Variants in ADGRA1 observed in about 807,000 individuals in gnomAD.
ADGRA1 encodes adhesion G protein-coupled receptor A1, also known as G-protein coupled receptor 123.
In ADGRA1, 12 loss-of-function variants were observed where a neutral mutation model predicts 21.3. The observed-to-expected ratio is 0.56, with a 90% CI of 0.36 to 0.91. The LOEUF (loss-of-function observed/expected upper bound fraction) is 0.91. ADGRA1 is among the 40% of genes least tolerant of loss of function. The pLI, the probability that ADGRA1 is intolerant of heterozygous loss-of-function variation, is 0.01. For missense variants in ADGRA1, 790 were observed against 805.6 expected, an observed-to-expected ratio of 0.98 and a Z score of 0.23; for synonymous variants, 385 against 368.8, an observed-to-expected ratio of 1.04 and a Z score of -0.50.
intron 5 of ADGRA1, among the ~76,000 whole-genome samples, chr10:133,121,038 C>T (rs1191120943): frequency 6.6e-6 from 1 of 152,128 alleles, no homozygotes; most frequent in African/African-American, 2.4e-5. Flanking sequence ...ACAGCCAACC[C>T]GTGGAGCGAC....
chr10:133,129,460 C>T lies in ADGRA1; in HGVS notation c.1632C>T (p.Asp544=), dbSNP rs139645554. 1.7e-4 allele frequency: 270 copies of T among 1,600,590 alleles called. No homozygotes were observed. In the African/African-American group the frequency reaches 2.2e-3, roughly 13 times the overall value. ...KLLEGLPFGT[D]GTGNIRTGPW... ...TAGAAGGCCTGCCGTTTGGCACCGA[C>T]GGGACCGGCAACATCCGAACGGGAC... Residue 544 remains aspartate, a synonymous_variant, in exon 7 of 7, where the codon GAC becomes GAT. Coordinates refer to ENST00000392607, the MANE Select transcript of ADGRA1 (RefSeq NM_001083909.3).
intron 2 of ADGRA1, among the ~76,000 whole-genome samples, chr10:133,094,234 G>A (rs570305432): frequency 3.9e-5 from 6 of 152,358 alleles, no homozygotes; most frequent in African/African-American, 9.6e-5. Flanking sequence ...CCTTGCACTC[G>A]CGCCCTGAGA....
Position 133,088,693 on chromosome 10 carries a change from C to T in ADGRA1, c.-202-15C>T. On this transcript the variant is annotated splice_polypyrimidine_tract_variant and intron_variant, in intron 1 of 6. Coordinates refer to ENST00000392607, the MANE Select transcript of ADGRA1 (RefSeq NM_001083909.3). ...GACCCTCCGCCCGCCCCGCTGACCG[C>T]CGCTGTCTTCACAGATGGGAGCAGC... 8.2e-7 allele frequency: 1 copy of T among 1,226,334 alleles called. No individual in the cohort carries two copies. Among genetic ancestry groups the T allele is most frequent in the East Asian group, 3.2e-5 (1 of 31,500 alleles). The allele number at this position is 1,226,334 out of a possible 1,614,324, so 76.0% of individuals were successfully genotyped here.
At chr10:133,100,345 C>T (rs182071870) in intron 4 of ADGRA1, among the ~76,000 whole-genome samples, 38 of 152,260 alleles carry the variant, frequency 2.5e-4, no homozygotes, top group Non-Finnish European at 4.3e-4. Context: ...TAAGTGCCTG[C>T]GAGAGGCCGT....
Position 133,128,646 on chromosome 10 carries a change from G to T in ADGRA1, c.818G>T (p.Gly273Val). Reference sequence around the variant, plus strand: ...CTGTTCACGGCCACGTGGGCCTTCGGGGCGCTGGCGGTGTCACAGGGCCAC... The same window carrying T: ...CTGTTCACGGCCACGTGGGCCTTCGTGGCGCTGGCGGTGTCACAGGGCCAC... ...LFLFTATWAF[G>V]ALAVSQGHFL... Residue 273 changes from glycine to valine, a missense_variant, in exon 7 of 7, where the codon GGG (glycine) becomes GTG (valine). Around this residue, in one of 3 missense-constraint regions of ADGRA1, gnomAD observed 382 missense variants for 415.6 expected, o/e 0.92. Coordinates refer to ENST00000392607, the MANE Select transcript of ADGRA1 (RefSeq NM_001083909.3). The T allele has an allele frequency of 6.2e-7, 1 of 1,608,238 alleles. No individual in the cohort carries two copies. Among genetic ancestry groups the T allele is most frequent in the East Asian group, 2.2e-5 (1 of 44,714 alleles).
chr10:133,121,792 A>AGT (rs370825058), intron 5 of ADGRA1, among the ~76,000 whole-genome samples: 2 of 133,418 alleles, frequency 1.5e-5, no homozygotes, highest in East Asian at 2.3e-4. Flanking sequence ...GTCGTGTGCC[A>AGT]GTGTGTGTGT....
At chr10:133,110,294 C>T (rs1050040473) in intron 5 of ADGRA1, among the ~76,000 whole-genome samples, 2 of 152,294 alleles carry the variant, frequency 1.3e-5, no homozygotes, top group Non-Finnish European at 2.9e-5. Flanking sequence ...GGACAGGTCA[C>T]TCCTGTGTGC....
At chr10:133,127,383 C>G in intron 6 of ADGRA1, 52 bp downstream of exon 6, 1 of 1,351,580 alleles carries the variant, frequency 7.4e-7, no homozygotes, top group South Asian at 1.3e-5. Flanking sequence ...GTGGGCTCTG[C>G]CTGAGGTCCC....
chr10:133,125,666 T>C (rs1277793620), intron 5 of ADGRA1, among the ~76,000 whole-genome samples: 2 of 152,248 alleles, frequency 1.3e-5, no homozygotes, highest in African/African-American at 4.8e-5. Context: ...CCTGACCTCG[T>C]GATCTGCCCA....
chr10:133,102,121 G>C, intron 4 of ADGRA1: 1 of 433,178 alleles, frequency 2.3e-6, no homozygotes, highest in South Asian at 1.6e-5. Context: ...AGTTTCCATA[G>C]CAATGAGGAA....
intron 3 of ADGRA1, among the ~76,000 whole-genome samples, chr10:133,097,425 G>A (rs1288587362): frequency 6.6e-6 from 1 of 152,248 alleles, no homozygotes; most frequent in Non-Finnish European, 1.5e-5. Flanking sequence ...ACCCTGAGGA[G>A]CTCAGTTCCC....
intron 5 of ADGRA1, among the ~76,000 whole-genome samples, chr10:133,123,186 C>T (rs542760937): frequency 7.2e-5 from 11 of 152,210 alleles, no homozygotes; most frequent in Admixed American, 6.5e-4. Flanking sequence ...AGGGGCCCCG[C>T]GAGTCCCTCT....
At chr10:133,105,311 A>G (rs1223838228) in intron 5 of ADGRA1, among the ~76,000 whole-genome samples, 1 of 152,140 alleles carries the variant, frequency 6.6e-6, no homozygotes, top group Non-Finnish European at 1.5e-5. Context: ...GCAGTGGCCG[A>G]GTCTCAGCCG....
chr10:133,111,289 A>C (rs28625329), intron 5 of ADGRA1, among the ~76,000 whole-genome samples: 360 of 23,580 alleles, frequency 0.015, 26 homozygotes, highest in African/African-American at 0.052. Flanking sequence ...CCCACCAGAC[A>C]ACCTGCCCCC....
chr10:133,101,392 G>A (rs755072411), intron 4 of ADGRA1, among the ~76,000 whole-genome samples: 21 of 152,212 alleles, frequency 1.4e-4, no homozygotes, highest in African/African-American at 4.8e-4. Flanking sequence ...AGAGACAGGC[G>A]CTGGCCCTGG....
intron 5 of ADGRA1, among the ~76,000 whole-genome samples, chr10:133,115,744 G>A (rs1367364931): frequency 1.3e-5 from 2 of 152,084 alleles, no homozygotes; most frequent in East Asian, 1.9e-4. Context: ...TTGACACACC[G>A]GCTGCAAGCC....
intron 2 of ADGRA1, chr10:133,095,808 C>A (rs2135867903): frequency 6.3e-7 from 1 of 1,594,960 alleles, no homozygotes. Flanking sequence ...CATGGCCCTT[C>A]CTGCACAGGA....
chr10:133,127,186 G>A, intron 5 of ADGRA1, 47 bp from the exon 6 acceptor site: 1 of 1,269,604 alleles, frequency 7.9e-7, no homozygotes, highest in Non-Finnish European at 1.1e-6. Context: ...GACCCCGGAG[G>A]ATGCAGGCGG....
rs1269119045 is a variant in ADGRA1, at chr10:133,111,297, C to CA, written c.401+8455_401+8456insA. 2.0e-3 allele frequency among the ~76,000 whole-genome samples: 129 copies of CA among 62,956 alleles called. 19 individuals carry two copies. The highest frequency in any genetic ancestry group is 2.6e-3 in the Non-Finnish European group (88 of 33,318). The allele number at this position is 62,956 out of a possible 152,430, so 41.3% of individuals were successfully genotyped here. A position where few individuals can be genotyped will look rare whatever the true frequency, so the allele number is the denominator to read the frequency against. Reference sequence around the variant, plus strand: ...TCCTAATCCCACCAGACAACCTGCCCCCCCGGGAACCATCCCTCCTAATCC... The same window carrying CA: ...TCCTAATCCCACCAGACAACCTGCCCACCCCGGGAACCATCCCTCCTAATCC... On this transcript the variant is annotated intron_variant, in intron 5 of 6. Transcript: ENST00000392607.
Sources: allele counts gnomAD v4.1 joint callset (sites outside exome capture counted in the v4.1 genomes callset), GRCh38; gene constraint gnomAD v4.1.1; regional missense constraint gnomAD v4.1.1; transcripts MANE v1.5; gene names NCBI Gene and HGNC (gene_info 2026-07-23, HGNC 2026-07-21).